The following FRMD5 variants were observed in gnomAD, a reference collection of about 807,000 sequenced individuals.
The protein encoded by FRMD5 is FERM domain containing 5.
A neutral mutation model predicts 69.0 loss-of-function variants in FRMD5; 20 were observed. That is an observed-to-expected ratio of 0.29 (90% confidence interval 0.20 to 0.42). FRMD5 has a LOEUF of 0.42. Among genes scored for constraint, FRMD5 ranks in the 10% least tolerant of loss-of-function variants. The probability of loss-of-function intolerance (pLI) is 1.00; values close to 1 mark genes in which losing one functional copy is unlikely to be tolerated. For missense variants in FRMD5, 595 were observed against 708.6 expected, an observed-to-expected ratio of 0.84 and a Z score of 1.82; for synonymous variants, 271 against 260.1, an observed-to-expected ratio of 1.04 and a Z score of -0.40.
intron 1 of FRMD5, among the ~76,000 whole-genome samples, chr15:44,155,052 A>G (rs533274858): frequency 6.6e-6 from 1 of 152,370 alleles, no homozygotes; most frequent in Non-Finnish European, 1.5e-5. Context: ...AAAGTGAGAT[A>G]CCATCATACA....
chr15:43,949,541 C>T (rs2089995279), intron 1 of FRMD5, among the ~76,000 whole-genome samples: 1 of 152,174 alleles, frequency 6.6e-6, no homozygotes, highest in Non-Finnish European at 1.5e-5. Flanking sequence ...GTCCTAGAAG[C>T]CAGTCTCTGA....
At position 44,116,689 on chromosome 15, in the gene FRMD5, C is replaced by T. The variant is rs1201767289; in HGVS notation, c.102+78264G>A. 2.0e-5 allele frequency among the ~76,000 whole-genome samples: 3 copies of T among 152,218 alleles called. No homozygotes were observed. The East Asian group carries it at 5.8e-4, about 29-fold the overall frequency. On this transcript the variant is annotated intron_variant, in intron 1 of 13. Coordinates refer to ENST00000417257, the MANE Select transcript of FRMD5 (RefSeq NM_032892.5). ...GCCCCTCGCTCCCCAGTGTTGGTTA[C>T]CAATCTTTTCTGTCTGCATCATTCC...
chr15:43,979,039 G>T (rs1049714099), intron 1 of FRMD5, among the ~76,000 whole-genome samples: 2 of 152,034 alleles, frequency 1.3e-5, no homozygotes, highest in Admixed American at 6.6e-5. Flanking sequence ...AATGCTTATA[G>T]AAAGGGTTCA....
At chr15:44,198,281 C>A (rs1230887764), upstream of FRMD5, among the ~76,000 whole-genome samples, 1 of 144,944 alleles carries the variant, frequency 6.9e-6, no homozygotes, top group Non-Finnish European at 1.5e-5. Flanking sequence ...GAGCCAAGAT[C>A]ACACCACTGC....
At chr15:44,018,051 A>G (rs559497528) in intron 1 of FRMD5, among the ~76,000 whole-genome samples, 70 of 152,324 alleles carry the variant, frequency 4.6e-4, no homozygotes, top group Middle Eastern at 6.8e-3. Context: ...CTGCACATCT[A>G]TATTAGCATT....
chr15:44,093,489 G>A (rs2076504998), intron 1 of FRMD5, among the ~76,000 whole-genome samples: 1 of 152,082 alleles, frequency 6.6e-6, no homozygotes. Flanking sequence ...GGTGAAGAAG[G>A]GTAGAAATGA....
At chr15:43,919,229 A>G in intron 4 of FRMD5, 1 of 671,268 alleles carries the variant, frequency 1.5e-6, no homozygotes, top group Non-Finnish European at 2.8e-6. Context: ...CCAGTTCAAG[A>G]GGTAGTATTC....
intron 1 of FRMD5, among the ~76,000 whole-genome samples, chr15:44,011,295 C>A: frequency 6.6e-6 from 1 of 151,162 alleles, no homozygotes; most frequent in Middle Eastern, 3.4e-3. Flanking sequence ...GAAATTAATA[C>A]GGTAGTAGTG....
At chr15:44,015,449 T>C (rs1890913990) in intron 1 of FRMD5, among the ~76,000 whole-genome samples, 1 of 152,204 alleles carries the variant, frequency 6.6e-6, no homozygotes, top group Admixed American at 6.5e-5. Flanking sequence ...GCCCTGAAGG[T>C]ATTTTAATAG....
chr15:44,022,444 T>C (rs910323893), intron 1 of FRMD5, among the ~76,000 whole-genome samples: 1 of 150,822 alleles, frequency 6.6e-6, no homozygotes. Context: ...CGTGGTGGCA[T>C]GTACCTGTAA....
chr15:43,954,885 T>C (rs542964844), intron 1 of FRMD5, among the ~76,000 whole-genome samples: 6 of 152,360 alleles, frequency 3.9e-5, no homozygotes, highest in Non-Finnish European at 8.8e-5. Context: ...TTGTATGTGC[T>C]AGATGATATG....
chr15:43,992,908 T>C (rs905041991), intron 1 of FRMD5, among the ~76,000 whole-genome samples: 3 of 152,138 alleles, frequency 2.0e-5, no homozygotes, highest in African/African-American at 4.8e-5. Flanking sequence ...TGCTACAAAC[T>C]CACCCCTTAG....
chr15:43,993,330 C>G (rs1016793084), intron 1 of FRMD5, among the ~76,000 whole-genome samples: 4 of 152,094 alleles, frequency 2.6e-5, no homozygotes, highest in African/African-American at 9.7e-5. Flanking sequence ...GTAGCTGGGA[C>G]TACAGGTGCG....
At chr15:44,077,311 G>A (rs1466408085) in intron 1 of FRMD5, among the ~76,000 whole-genome samples, 1 of 151,994 alleles carries the variant, frequency 6.6e-6, no homozygotes, top group Non-Finnish European at 1.5e-5. Context: ...TCTGGAGTAG[G>A]AATATTACTA....
Position 43,884,728 on chromosome 15 carries a change from T to C in FRMD5, c.1027A>G (p.Arg343Gly). Residue 343 changes from arginine (R) to glycine (G), a missense_variant and splice_region_variant, in exon 12 of 14, where the codon AGA (arginine) becomes GGA (glycine). Arg to Gly is a moderately radical substitution (Grantham distance 125). Transcript: ENST00000417257. Reference protein sequence around the residue: ...KIKREPPEIHRAGMVPSRSCP... With the variant: ...KIKREPPEIHGAGMVPSRSCP... ...GGGGGGAAGCCCCTGGCAGCCTACCTGTGTATTTCCGGTGGCTCCCGTTTG... is the reference window on the plus strand; with the variant it reads ...GGGGGGAAGCCCCTGGCAGCCTACCCGTGTATTTCCGGTGGCTCCCGTTTG... The C allele has an allele frequency of 3.1e-6, 5 of 1,613,842 alleles. No homozygotes were observed. The highest frequency in any genetic ancestry group is 4.2e-6 in the Non-Finnish European group (5 of 1,179,694).
intron 6 of FRMD5, 125 bp downstream of exon 6, chr15:43,905,701 AGG>A: frequency 1.7e-6 from 2 of 1,208,590 alleles, no homozygotes; most frequent in Admixed American, 2.0e-5. Context: ...ATCCGCGGTC[AGG>A]AAGGCTGGGG....
intron 1 of FRMD5, among the ~76,000 whole-genome samples, chr15:44,186,262 G>T (rs1441364490): frequency 6.6e-6 from 1 of 152,092 alleles, no homozygotes; most frequent in East Asian, 1.9e-4. Context: ...TACCTGCTTG[G>T]TTCAAGTCTA....
intron 1 of FRMD5, among the ~76,000 whole-genome samples, chr15:44,084,010 T>A (rs2140455815): frequency 6.6e-6 from 1 of 152,184 alleles, no homozygotes; most frequent in Non-Finnish European, 1.5e-5. Context: ...AGTTTTTCCA[T>A]CCAGTAAATT....
intron 1 of FRMD5, among the ~76,000 whole-genome samples, chr15:43,935,623 G>A (rs934438049): frequency 6.6e-6 from 1 of 152,156 alleles, no homozygotes; most frequent in African/African-American, 2.4e-5. Context: ...GTGATAGAGA[G>A]AGCAAACAGA....
Sources: gnomAD v4.1 joint callset for allele counts (sites outside exome capture counted in the v4.1 genomes callset) on GRCh38, gnomAD v4.1.1 for gene constraint, MANE v1.5 for transcripts, NCBI Gene and HGNC (gene_info 2026-07-23, HGNC 2026-07-21) for gene names.